The following KCNT2 variants were observed in gnomAD, a reference collection of about 807,000 sequenced individuals.
The protein encoded by KCNT2 is potassium sodium-activated channel subfamily T member 2.
In KCNT2, 67 loss-of-function variants were observed where a neutral mutation model predicts 153.8. The ratio of observed to expected loss-of-function variants is 0.44; its 90% CI spans 0.36 to 0.53. The LOEUF is 0.53. Among genes scored for constraint, KCNT2 ranks in the 20% least tolerant of loss-of-function variants. The pLI is 0.00. For missense variants in KCNT2, 975 were observed against 1,354.8 expected (o/e 0.72, Z 4.40); for synonymous variants, 500 against 458.8 (o/e 1.09, Z -1.15).
chr1:196,492,650 T>C (rs765887662), intron 1 of KCNT2, among the ~76,000 whole-genome samples: 1 of 152,150 alleles, frequency 6.6e-6, no homozygotes, highest in Non-Finnish European at 1.5e-5. Flanking sequence ...GCATGGATTA[T>C]TCAAAACAGC....
intron 26 of KCNT2, among the ~76,000 whole-genome samples, chr1:196,255,486 C>T (rs1467040193): frequency 6.6e-6 from 1 of 151,780 alleles, no homozygotes; most frequent in Non-Finnish European, 1.5e-5. Context: ...CCTCATATTT[C>T]ACCTCCCAAT....
intron 16 of KCNT2, among the ~76,000 whole-genome samples, chr1:196,337,930 T>A (rs921958614): frequency 6.6e-6 from 1 of 152,148 alleles, no homozygotes; most frequent in African/African-American, 2.4e-5. Context: ...GAACTAGGGA[T>A]CTTTGTTTCT....
intron 18 of KCNT2, among the ~76,000 whole-genome samples, chr1:196,328,196 C>A (rs1664074446): frequency 1.3e-5 from 2 of 151,800 alleles, no homozygotes; most frequent in Admixed American, 6.6e-5. Context: ...AAAAATAATA[C>A]CTAAATCTAT....
chr1:196,344,227 G>A (rs111510936), intron 14 of KCNT2, among the ~76,000 whole-genome samples: 7,548 of 152,242 alleles, frequency 0.05, 282 homozygotes, highest in Non-Finnish European at 0.072. Flanking sequence ...AAAACACGCA[G>A]TAAATGTAAG....
At chr1:196,408,047 A>G (rs1671979407) in intron 12 of KCNT2, among the ~76,000 whole-genome samples, 1 of 151,314 alleles carries the variant, frequency 6.6e-6, no homozygotes, top group African/African-American at 2.4e-5. Flanking sequence ...TGGGATGTGA[A>G]TCTTCTCTGT....
intron 22 of KCNT2, among the ~76,000 whole-genome samples, chr1:196,303,014 TA>T (rs772323541): frequency 0.085 from 12,231 of 143,256 alleles, 538 homozygotes; most frequent in African/African-American, 0.12. Context: ...ATGCAAATCT[TA>T]AAAAAAAAAA....
intron 8 of KCNT2, among the ~76,000 whole-genome samples, chr1:196,431,732 A>G (rs1674170522): frequency 6.6e-6 from 1 of 152,100 alleles, no homozygotes. Context: ...GTAAAATGTC[A>G]GAAGAGAGAA....
intron 19 of KCNT2, among the ~76,000 whole-genome samples, chr1:196,321,253 C>T (rs1663286096): frequency 6.6e-6 from 1 of 151,754 alleles, no homozygotes; most frequent in Admixed American, 6.6e-5. Flanking sequence ...CTCACCCTGT[C>T]TTGTAATTGG....
chr1:196,314,216 T>C (rs1420886678), intron 21 of KCNT2, among the ~76,000 whole-genome samples: 1 of 151,592 alleles, frequency 6.6e-6, no homozygotes, highest in East Asian at 1.9e-4. Context: ...ATAAAATTCA[T>C]GGTAAATTGA....
chr1:196,580,137 T>C (rs1162556831), intron 1 of KCNT2, among the ~76,000 whole-genome samples: 1 of 151,934 alleles, frequency 6.6e-6, no homozygotes, highest in African/African-American at 2.4e-5. Flanking sequence ...AATAAACAAA[T>C]CCAGCAAATA....
chr1:196,408,026 C>A (rs1671976657), intron 12 of KCNT2, among the ~76,000 whole-genome samples: 1 of 151,266 alleles, frequency 6.6e-6, no homozygotes, highest in South Asian at 2.1e-4. Flanking sequence ...TAAATTCTTT[C>A]TCTGCTCCTT....
intron 25 of KCNT2, among the ~76,000 whole-genome samples, chr1:196,277,476 C>T (rs1301496960): frequency 2.6e-5 from 4 of 152,150 alleles, no homozygotes; most frequent in African/African-American, 4.8e-5. Context: ...ACTCCTAGCC[C>T]TCAACTCTTT....
At position 196,231,545 on chromosome 1, in the gene KCNT2, G is replaced by C. The variant is rs372759614; in HGVS notation, c.3297-3210C>G. 4.6e-5 allele frequency among the ~76,000 whole-genome samples: 7 copies of C among 151,986 alleles called. No individual in the cohort carries two copies. In the East Asian group the frequency reaches 9.7e-4, roughly 21 times the overall value. On this transcript the variant is annotated intron_variant, in intron 27 of 27. Transcript: ENST00000294725. ...AGAAATTCCAAACATCATACAAAGT[G>C]AAAAAGAACAACAGAGAGAATTAGG...
chr1:196,394,697 G>GA (rs898787099), intron 13 of KCNT2, among the ~76,000 whole-genome samples: 26 of 150,024 alleles, frequency 1.7e-4, no homozygotes, highest in Admixed American at 3.3e-4. Flanking sequence ...TGAATAGAAA[G>GA]AAAAAAAAAC....
At chr1:196,601,677 C>G (rs1664738883) in intron 1 of KCNT2, among the ~76,000 whole-genome samples, 1 of 152,124 alleles carries the variant, frequency 6.6e-6, no homozygotes, top group Admixed American at 6.6e-5. Flanking sequence ...GGTGTTTCAC[C>G]AATTTTATAG....
At chr1:196,262,805 T>C (rs545266699) in intron 25 of KCNT2, among the ~76,000 whole-genome samples, 7 of 152,062 alleles carry the variant, frequency 4.6e-5, no homozygotes, top group Non-Finnish European at 8.8e-5. Context: ...AATCTTATAG[T>C]CTAAAAAATG....
chr1:196,235,213 T>C (rs544447634), intron 27 of KCNT2, among the ~76,000 whole-genome samples: 90 of 151,572 alleles, frequency 5.9e-4, no homozygotes, highest in Admixed American at 2.6e-3. Flanking sequence ...AAACACTTTA[T>C]GCAATTCCTG....
intron 5 of KCNT2, among the ~76,000 whole-genome samples, chr1:196,475,453 T>TA (rs34035690): frequency 1.3e-5 from 2 of 151,730 alleles, no homozygotes; most frequent in South Asian, 2.1e-4. Flanking sequence ...CCCCATCTCT[T>TA]AAAAAAAGAT....
rs1662679799 is a variant in KCNT2, at chr1:196,316,033, TA to T, written c.2349-8del. ...CCTGAGTAAGTCATCTAGGCTTTGA[TA>T]AAAATCAACAGAGAAAAACAAACAT... is the stretch of plus-strand genomic sequence containing the variant. On this transcript the variant is annotated splice_region_variant and splice_polypyrimidine_tract_variant and intron_variant, in intron 20 of 27. Transcript: ENST00000294725. 6.2e-7 allele frequency: 1 copy of T among 1,608,240 alleles called. No homozygotes were observed. The highest frequency in any genetic ancestry group is 1.3e-5 in the African/African-American group (1 of 74,506).
Sources: allele counts gnomAD v4.1 joint callset (sites outside exome capture counted in the v4.1 genomes callset), GRCh38; gene constraint gnomAD v4.1.1; transcripts MANE v1.5; gene names NCBI Gene and HGNC (gene_info 2026-07-23, HGNC 2026-07-21).